CDK19: variants seen among roughly 807,000 people sequenced by gnomAD.
CDK19 encodes the protein cyclin-dependent kinase 19.
In CDK19, 20 loss-of-function variants were observed where a neutral mutation model predicts 68.3. The ratio of observed to expected loss-of-function variants is 0.29; its 90% CI spans 0.21 to 0.43. The LOEUF is 0.43. CDK19 is among the 20% of genes least tolerant of loss of function. The probability of loss-of-function intolerance (pLI) is 1.00; values close to 1 mark genes in which losing one functional copy is unlikely to be tolerated. For synonymous variants in CDK19, 221 were observed against 222.8 expected (o/e 0.99, Z 0.07); for missense variants, 339 against 623.5 (o/e 0.54, Z 4.86).
chr6:110,768,135 G>C (rs1451237444), intron 1 of CDK19, among the ~76,000 whole-genome samples: 24 of 152,128 alleles, frequency 1.6e-4, no homozygotes, highest in Admixed American at 1.6e-3. Flanking sequence ...TGGGAAATAG[G>C]ACACATGAAA....
At chr6:110,765,551 C>T (rs925039689) in intron 1 of CDK19, among the ~76,000 whole-genome samples, 1 of 151,366 alleles carries the variant, frequency 6.6e-6, no homozygotes, top group Non-Finnish European at 1.5e-5. Flanking sequence ...TGTGGTGGCA[C>T]GTGCCTGTAG....
At chr6:110,761,044 A>G (rs1320542849) in intron 1 of CDK19, among the ~76,000 whole-genome samples, 2 of 152,220 alleles carry the variant, frequency 1.3e-5, no homozygotes, top group East Asian at 3.8e-4. Flanking sequence ...AAGCTGGAGA[A>G]GCAAGAAGGC....
chr6:110,614,736 T>C (rs1778202665), intron 12 of CDK19, 70 bp from the exon 13 acceptor site: 4 of 1,526,828 alleles, frequency 2.6e-6, no homozygotes, highest in Non-Finnish European at 2.7e-6. Flanking sequence ...CTCATCACAG[T>C]AGGATAGAGA....
intron 2 of CDK19, chr6:110,700,648 T>C (rs1392426927): frequency 6.5e-6 from 1 of 153,262 alleles, no homozygotes; most frequent in Non-Finnish European, 1.5e-5. Context: ...AGAAGGTGTG[T>C]GCTGACTTGA....
chr6:110,772,268 G>A (rs1288661875), intron 1 of CDK19, among the ~76,000 whole-genome samples: 2 of 152,106 alleles, frequency 1.3e-5, no homozygotes, highest in Non-Finnish European at 2.9e-5. Flanking sequence ...CTTCTTACAT[G>A]GCGGCAGCAA....
At chr6:110,766,345 C>G (rs1404865462) in intron 1 of CDK19, among the ~76,000 whole-genome samples, 2 of 151,640 alleles carry the variant, frequency 1.3e-5, no homozygotes, top group Non-Finnish European at 2.9e-5. Context: ...GAGGCCAAGG[C>G]AGACGGATCA....
intron 1 of CDK19, among the ~76,000 whole-genome samples, chr6:110,777,601 A>T (rs1409060501): frequency 6.6e-6 from 1 of 152,212 alleles, no homozygotes; most frequent in South Asian, 2.1e-4. Context: ...CAAAAAAATT[A>T]AACAGAGAAT....
chr6:110,758,457 A>G (rs1368161133), intron 1 of CDK19, among the ~76,000 whole-genome samples: 1 of 152,152 alleles, frequency 6.6e-6, no homozygotes. Context: ...GTTAGAATTG[A>G]TTCATCTCCC....
At chr6:110,706,021 A>T (rs117926054) in intron 2 of CDK19, among the ~76,000 whole-genome samples, 3,053 of 152,128 alleles carry the variant, frequency 0.02, 48 homozygotes, top group Non-Finnish European at 0.033. Context: ...ATAATAATAA[A>T]AAAAATCTGG....
At chr6:110,705,094 G>C (rs375807107) in intron 2 of CDK19, among the ~76,000 whole-genome samples, 9 of 150,714 alleles carry the variant, frequency 6.0e-5, no homozygotes, top group African/African-American at 2.2e-4. Flanking sequence ...CCAGGCTGGA[G>C]CAATGGCACA....
intron 2 of CDK19, among the ~76,000 whole-genome samples, chr6:110,699,463 A>G (rs186340062): frequency 2.0e-5 from 3 of 151,266 alleles, no homozygotes; most frequent in Admixed American, 2.0e-4. Flanking sequence ...GCTGGAGGCC[A>G]TTATTTTAAG....
chr6:110,785,731 A>G (rs1463286325), intron 1 of CDK19, among the ~76,000 whole-genome samples: 1 of 152,176 alleles, frequency 6.6e-6, no homozygotes, highest in Non-Finnish European at 1.5e-5. Flanking sequence ...CTGTAATCCC[A>G]GTACTTTGGG....
chr6:110,659,823 T>C (rs1355321056), intron 4 of CDK19, among the ~76,000 whole-genome samples: 1 of 152,152 alleles, frequency 6.6e-6, no homozygotes, highest in Non-Finnish European at 1.5e-5. Flanking sequence ...AGATAACTAG[T>C]ACATTATAAC....
intron 1 of CDK19, among the ~76,000 whole-genome samples, chr6:110,805,828 G>C (rs770047076): frequency 6.6e-6 from 1 of 151,870 alleles, no homozygotes; most frequent in Admixed American, 6.6e-5. Context: ...CCTTTCCATG[G>C]ATCTACTCTT....
At chr6:110,814,519 G>A (rs1219480943) in intron 1 of CDK19, 11 of 446,442 alleles carry the variant, frequency 2.5e-5, no homozygotes, top group African/African-American at 1.8e-4. Flanking sequence ...TGGGGCTGGC[G>A]AGGACCCCAG....
chr6:110,624,001 T>C (rs936203246), intron 8 of CDK19, among the ~76,000 whole-genome samples: 8 of 151,142 alleles, frequency 5.3e-5, no homozygotes, highest in Non-Finnish European at 1.2e-4. Flanking sequence ...TACATTTTTA[T>C]ACATTCACAG....
Position 110,815,233 on chromosome 6 carries a change from G to C in CDK19, c.-97C>G, listed in dbSNP as rs2115186729. On this transcript the variant is annotated 5_prime_UTR_variant, in exon 1 of 13. Coordinates refer to ENST00000368911, the MANE Select transcript of CDK19 (RefSeq NM_015076.5). The stretch of plus-strand genomic sequence containing the variant: ...CGACCGCCGCTCCACTTCTCCAACA[G>C]CCGCCTCTCGCGCGCGCGCGCGCGC... 22 of 1,171,912 alleles carry C rather than the reference G, an allele frequency of 1.9e-5. No homozygotes were observed. The highest frequency in any genetic ancestry group is 3.8e-5 in the East Asian group (1 of 26,204). 72.6% of individuals were successfully genotyped at this position (1,171,912 alleles called of 1,614,324 possible). A position where few individuals can be genotyped will look rare whatever the true frequency, so the allele number is the denominator to read the frequency against.
intron 2 of CDK19, among the ~76,000 whole-genome samples, chr6:110,726,911 C>T (rs1776355853): frequency 6.6e-6 from 1 of 152,122 alleles, no homozygotes; most frequent in Non-Finnish European, 1.5e-5. Context: ...AAGGTACTCT[C>T]GTATAAATTA....
intron 2 of CDK19, among the ~76,000 whole-genome samples, chr6:110,711,710 G>C (rs1320338969): frequency 6.6e-6 from 1 of 152,262 alleles, no homozygotes; most frequent in Non-Finnish European, 1.5e-5. Context: ...GCTCACGCCT[G>C]CAATCCCAGC....
Sources: allele counts gnomAD v4.1 joint callset (sites outside exome capture counted in the v4.1 genomes callset), GRCh38; gene constraint gnomAD v4.1.1; transcripts MANE v1.5; gene names NCBI Gene and HGNC (gene_info 2026-07-23, HGNC 2026-07-21).